DGUOK: variants seen among roughly 807,000 people sequenced by gnomAD.
The protein encoded by DGUOK is deoxyguanosine kinase, also known as deoxyguanosine kinase, mitochondrial.
A neutral mutation model predicts 36.6 loss-of-function variants in DGUOK; 30 were observed. The observed-to-expected ratio is 0.82, with a 90% confidence interval of 0.61 to 1.11. The LOEUF (loss-of-function observed/expected upper bound fraction) is 1.11, where lower values mean the gene tolerates loss of function less well. Among genes scored for constraint, DGUOK ranks in the 50% most tolerant of loss-of-function variants. The probability of loss-of-function intolerance (pLI) is 0.00; values close to 1 mark genes in which losing one functional copy is unlikely to be tolerated. For synonymous variants in DGUOK, 145 were observed against 126.3 expected (o/e 1.15, Z -0.99); for missense variants, 361 against 336.4 (o/e 1.07, Z -0.57).
At chr2:73,931,244 G>A (rs1186922865) in intron 1 of DGUOK, among the ~76,000 whole-genome samples, 1 of 152,090 alleles carries the variant, frequency 6.6e-6, no homozygotes, top group African/African-American at 2.4e-5. Context: ...GAAGCCTGAA[G>A]AAACACATGC....
chr2:73,956,432 T>C (rs571962776), intron 4 of DGUOK, among the ~76,000 whole-genome samples: 124 of 152,316 alleles, frequency 8.1e-4, no homozygotes, highest in African/African-American at 2.8e-3. Flanking sequence ...GTAAAGAGCC[T>C]GTGAAGTATT....
intron 4 of DGUOK, among the ~76,000 whole-genome samples, chr2:73,955,631 T>C (rs1683032128): frequency 6.6e-6 from 1 of 152,144 alleles, no homozygotes; most frequent in Non-Finnish European, 1.5e-5. Context: ...TCCCAGCATT[T>C]TGAGAAGCCG....
At position 73,958,831 on chromosome 2, in the gene DGUOK, C is replaced by A; in HGVS notation, c.*95C>A. 9.7e-7 allele frequency: 1 copy of A among 1,027,474 alleles called. No homozygotes were observed. Among genetic ancestry groups the A allele is most frequent in the African/African-American group, 1.6e-5 (1 of 63,822 alleles). The allele number at this position is 1,027,474 out of a possible 1,614,324, so 63.6% of individuals were successfully genotyped here. On this transcript the variant is annotated 3_prime_UTR_variant, in exon 7 of 7. Transcript: ENST00000264093. ...CCCAACCACCTTTCCATCCCCAGCC[C>A]CTCTCATCCCTGGAGCACTCTGCCG...
chr2:73,952,721 G>A lies in DGUOK; in HGVS notation c.591+1989G>A, dbSNP rs141796447. ...TTGGGGAGGAGTGAGAGAGGAAGTG[G>A]GCTGACTCATTCCTGGGAGTAAAAT... is the stretch of plus-strand genomic sequence containing the variant. On this transcript the variant is annotated intron_variant, in intron 4 of 6. Transcript: ENST00000264093. Among the ~76,000 whole-genome samples, 5 of 152,288 alleles carry A rather than the reference G, an allele frequency of 3.3e-5. No homozygotes were observed. The East Asian group carries it at 9.6e-4, about 29-fold the overall frequency.
chr2:73,934,703 C>A (rs956238824), intron 1 of DGUOK, among the ~76,000 whole-genome samples: 10 of 150,020 alleles, frequency 6.7e-5, no homozygotes, highest in African/African-American at 2.4e-4. Flanking sequence ...TGCAGTGAGC[C>A]GAGATCACCC....
intron 1 of DGUOK, among the ~76,000 whole-genome samples, chr2:73,937,854 C>T (rs1417180806): frequency 6.6e-6 from 1 of 152,172 alleles, no homozygotes; most frequent in Non-Finnish European, 1.5e-5. Context: ...CTTTTCACTC[C>T]TCTGCCATCA....
intron 1 of DGUOK, chr2:73,932,672 G>C (rs1681141665): frequency 7.8e-7 from 1 of 1,286,310 alleles, no homozygotes. Context: ...CCCCTGTCCT[G>C]ACCAAAATTG....
At chr2:73,930,794 C>CTTTTTTTTTTT (rs1028341314) in intron 1 of DGUOK, among the ~76,000 whole-genome samples, 13 of 35,658 alleles carry the variant, frequency 3.6e-4, no homozygotes, top group South Asian at 2.1e-3. Context: ...TTTTTTTTTT[C>CTTTTTTTTTTT]TTTTTTTTTT....
intron 1 of DGUOK, among the ~76,000 whole-genome samples, chr2:73,928,003 G>A (rs1680734445): frequency 6.6e-6 from 1 of 152,192 alleles, no homozygotes; most frequent in Non-Finnish European, 1.5e-5. Context: ...AAAAATCTCT[G>A]CTCTCATGGA....
In DGUOK at chr2:73,938,843, T is replaced by G. The variant is rs1280493051; in HGVS notation, c.143-67T>G. 9 of 1,090,512 alleles carry G rather than the reference T, an allele frequency of 8.3e-6. No individual in the cohort carries two copies. In the Admixed American group the frequency reaches 1.4e-4, roughly 16 times the overall value. The allele number at this position is 1,090,512 out of a possible 1,614,324, so 67.6% of individuals were successfully genotyped here. On this transcript the variant is annotated intron_variant, in intron 1 of 6. Coordinates refer to ENST00000264093, the MANE Select transcript of DGUOK (RefSeq NM_080916.3). ...TGAGTTTGGGCGTTTGTGGCAGAGT[T>G]TAGTAGCAGCCTTCTCCTTCAGCCC... is the stretch of plus-strand genomic sequence containing the variant.
chr2:73,927,166 TG>T, intron 1 of DGUOK, 114 bp downstream of exon 1: 1 of 1,449,242 alleles, frequency 6.9e-7, no homozygotes, highest in Non-Finnish European at 9.4e-7. Flanking sequence ...CCTCTTTTTC[TG>T]GGCTGCGAGG....
At chr2:73,932,612 C>G in intron 1 of DGUOK, 1 of 1,298,258 alleles carries the variant, frequency 7.7e-7, no homozygotes, top group Non-Finnish European at 1.0e-6. Flanking sequence ...CATCCTCAAG[C>G]AAATCAGAAT....
Position 73,958,747 on chromosome 2 carries a change from G to A in DGUOK, c.*11G>A, listed in dbSNP as rs768232553. 8.1e-6 allele frequency: 13 copies of A among 1,610,930 alleles called. No individual in the cohort carries two copies. Among genetic ancestry groups the A allele is most frequent in the Non-Finnish European group, 1.1e-5 (13 of 1,177,066 alleles). ...GTAAAGAATCTGTAACCAATACCAT[G>A]AAGTTCAGGCTGTGATCTGGGCTCC... On this transcript the variant is annotated 3_prime_UTR_variant, in exon 7 of 7. Coordinates refer to ENST00000264093, the MANE Select transcript of DGUOK (RefSeq NM_080916.3).
chr2:73,928,831 T>C (rs956221910), intron 1 of DGUOK, among the ~76,000 whole-genome samples: 9 of 152,218 alleles, frequency 5.9e-5, no homozygotes, highest in African/African-American at 2.2e-4. Context: ...GCAATAATTA[T>C]AGTATTGTGA....
At chr2:73,938,509 A>G (rs1681646349) in intron 1 of DGUOK, among the ~76,000 whole-genome samples, 1 of 152,218 alleles carries the variant, frequency 6.6e-6, no homozygotes, top group South Asian at 2.1e-4. Context: ...ATGAGATTAT[A>G]ATCATTTTTA....
intron 3 of DGUOK, chr2:73,948,035 A>G (rs1040998767): frequency 7.2e-5 from 11 of 152,170 alleles, no homozygotes; most frequent in Non-Finnish European, 1.0e-4. Context: ...CCTATAGGCT[A>G]TCCGTTCCTT....
At chr2:73,939,102 G>A in intron 2 of DGUOK, 80 bp downstream of exon 2, 5 of 939,290 alleles carry the variant, frequency 5.3e-6, no homozygotes, top group Non-Finnish European at 8.7e-6. Flanking sequence ...CTCTCAGTGA[G>A]TAAAGTAGCC....
intron 4 of DGUOK, among the ~76,000 whole-genome samples, chr2:73,951,338 G>A (rs940240334): frequency 6.6e-6 from 1 of 152,082 alleles, no homozygotes; most frequent in Non-Finnish European, 1.5e-5. Context: ...GACTGGTAGT[G>A]ACCTTGGGCA....
At chr2:73,938,154 A>G (rs1262870253) in intron 1 of DGUOK, among the ~76,000 whole-genome samples, 1 of 152,112 alleles carries the variant, frequency 6.6e-6, no homozygotes, top group African/African-American at 2.4e-5. Flanking sequence ...GGCTTCTTCT[A>G]GGGCCTCAAA....
Sources: allele counts gnomAD v4.1 joint callset (sites outside exome capture counted in the v4.1 genomes callset), GRCh38; gene constraint gnomAD v4.1.1; transcripts MANE v1.5; gene names NCBI Gene and HGNC (gene_info 2026-07-23, HGNC 2026-07-21).